RASSF3: variants seen among roughly 807,000 people sequenced by gnomAD.
RASSF3 encodes ras association domain-containing protein 3.
Under a neutral mutation model 19.9 loss-of-function variants are expected in RASSF3, and 19 were observed. That is an observed-to-expected ratio of 0.96 (90% CI 0.67 to 1.40). The LOEUF (loss-of-function observed/expected upper bound fraction) is 1.40, where lower values mean the gene tolerates loss of function less well. Ranked by LOEUF, RASSF3 falls within the 40% of genes most tolerant of loss-of-function variation. RASSF3 has a pLI of 0.00. For missense variants in RASSF3, 306 were observed against 289.8 expected, an observed-to-expected ratio of 1.06 and a Z score of -0.41; for synonymous variants, 110 against 104.2, an observed-to-expected ratio of 1.06 and a Z score of -0.34.
chr12:64,528,244 G>C (rs1366481520), intron 1 of RASSF3, among the ~76,000 whole-genome samples: 1 of 152,160 alleles, frequency 6.6e-6, no homozygotes, highest in East Asian at 1.9e-4. Context: ...CTGCATACCA[G>C]CCTGGGAGAC....
intron 3 of RASSF3, among the ~76,000 whole-genome samples, chr12:64,691,167 C>T (rs1385529162): frequency 6.6e-6 from 1 of 152,184 alleles, no homozygotes; most frequent in African/African-American, 2.4e-5. Context: ...TGGCTCTTAC[C>T]TTGTTTTCTA....
At chr12:64,620,037 T>TGTGTGTGTGTGTGTGTG (rs1565851666) in intron 1 of RASSF3, among the ~76,000 whole-genome samples, 2 of 148,750 alleles carry the variant, frequency 1.3e-5, no homozygotes, top group Non-Finnish European at 3.0e-5. Context: ...TGTGTGTGTG[T>TGTGTGTGTGTGTGTGTG]AGTTTTCTGA....
intron 2 of RASSF3, among the ~76,000 whole-genome samples, chr12:64,559,789 C>T (rs73126209): frequency 0.095 from 14,429 of 152,272 alleles, 720 homozygotes; most frequent in Middle Eastern, 0.14. Flanking sequence ...TCTAGTCTTA[C>T]TTTCTAGTCT....
chr12:64,592,026 T>C (rs1869934620), intron 2 of RASSF3, among the ~76,000 whole-genome samples: 1 of 151,838 alleles, frequency 6.6e-6, no homozygotes, highest in Non-Finnish European at 1.5e-5. Flanking sequence ...CTCAGCCTCC[T>C]GAGTAGCTGG....
At position 64,599,527 on chromosome 12, in the gene RASSF3, T is replaced by C. The variant is rs532988773; in HGVS notation, c.294+57822T>C. ...AAATCAATTCACTGCAAATCATTTGTGGCTGGAAACCCTTGTGGTTTCCTC... is the reference window on the plus strand; with the variant it reads ...AAATCAATTCACTGCAAATCATTTGCGGCTGGAAACCCTTGTGGTTTCCTC... On this transcript the variant is annotated intron_variant, in intron 2 of 5. Coordinates refer to the RASSF3 transcript ENST00000637125. Among the ~76,000 whole-genome samples the C allele has an allele frequency of 4.6e-5, 7 of 152,324 alleles. No homozygotes were observed. In the East Asian group the frequency reaches 1.3e-3, roughly 29 times the overall value.
intron 2 of RASSF3, 133 bp from the exon 3 acceptor site, chr12:64,688,083 A>T (rs2136221571): frequency 2.7e-6 from 2 of 731,262 alleles, no homozygotes; most frequent in East Asian, 2.4e-5. Context: ...GGCAATCTTT[A>T]GTGAAGTTCT....
intron 2 of RASSF3, among the ~76,000 whole-genome samples, chr12:64,572,818 T>C (rs1217675969): frequency 1.3e-5 from 2 of 152,228 alleles, no homozygotes; most frequent in Non-Finnish European, 2.9e-5. Context: ...TAAAGACAGA[T>C]TGAATGTGTC....
intron 1 of RASSF3, among the ~76,000 whole-genome samples, chr12:64,507,639 C>A (rs1195237704): frequency 6.6e-6 from 1 of 152,088 alleles, no homozygotes. Flanking sequence ...ACAACAAAAA[C>A]AGCTCTTATT....
chr12:64,516,400 A>AT (rs1315713194), intron 1 of RASSF3, among the ~76,000 whole-genome samples: 15 of 151,198 alleles, frequency 9.9e-5, no homozygotes, highest in African/African-American at 3.2e-4. Context: ...CGGGCGGATC[A>AT]CGAGGTCAGG....
upstream of RASSF3, among the ~76,000 whole-genome samples, chr12:64,529,477 A>G (rs7309315): frequency 5.5e-3 from 832 of 152,210 alleles, 4 homozygotes; most frequent in African/African-American, 0.019. Flanking sequence ...CCAATCCTGG[A>G]CTCTTAGGAA....
intron 1 of RASSF3, among the ~76,000 whole-genome samples, chr12:64,509,216 A>G (rs568151812): frequency 1.1e-4 from 16 of 152,120 alleles, no homozygotes; most frequent in African/African-American, 3.4e-4. Context: ...TTGGGAGGCC[A>G]AGGTGGGTGG....
At chr12:64,507,281 A>T in exon 1 of RASSF3, 1 of 398,628 alleles carries the variant, frequency 2.5e-6, no homozygotes, top group East Asian at 3.6e-5. Context: ...CAAATCACTG[A>T]CCTGCTCAAA....
At chr12:64,568,834 C>T (rs1233745211) in intron 2 of RASSF3, among the ~76,000 whole-genome samples, 1 of 152,106 alleles carries the variant, frequency 6.6e-6, no homozygotes, top group Non-Finnish European at 1.5e-5. Context: ...CTCAGCCTCC[C>T]AAGTAACAGA....
chr12:64,648,966 C>T (rs369580629), intron 1 of RASSF3, among the ~76,000 whole-genome samples: 3 of 151,696 alleles, frequency 2.0e-5, no homozygotes, highest in South Asian at 2.1e-4. Flanking sequence ...CCACCATGCC[C>T]GGCTAATGAT....
At chr12:64,623,152 G>C (rs1870852810) in intron 1 of RASSF3, among the ~76,000 whole-genome samples, 1 of 151,926 alleles carries the variant, frequency 6.6e-6, no homozygotes, top group Admixed American at 6.6e-5. Flanking sequence ...TGCTTGTTTC[G>C]AGGAATCTTT....
downstream of RASSF3, among the ~76,000 whole-genome samples, chr12:64,543,106 GGGCCCCGCACTTGGAGTGGC>G (rs1286135161): frequency 1.2e-3 from 5 of 4,150 alleles, no homozygotes; most frequent in African/African-American, 3.7e-3. Context: ...TTGGAGTGGC[GGGCCCCGCACTTGGAGTGGC>G]GGGCCCCGCA....
chr12:64,628,350 G>A (rs1177909116), intron 1 of RASSF3: 1 of 152,188 alleles, frequency 6.6e-6, no homozygotes, highest in Admixed American at 6.5e-5. Context: ...AACCAGGACA[G>A]GATGAATGTA....
chr12:64,684,691 A>G, intron 1 of RASSF3, 96 bp from the exon 2 acceptor site: 1 of 771,976 alleles, frequency 1.3e-6, no homozygotes, highest in Non-Finnish European at 2.2e-6. Context: ...TCAGCCTCCC[A>G]AAGTGCTGGG....
intron 1 of RASSF3, chr12:64,622,546 G>GT: frequency 1.9e-6 from 1 of 519,580 alleles, no homozygotes. Flanking sequence ...AGTAATTGCG[G>GT]TTTTTGCCAT....
Sources: allele counts gnomAD v4.1 joint callset (sites outside exome capture counted in the v4.1 genomes callset), GRCh38; gene constraint gnomAD v4.1.1; transcripts MANE v1.5; gene names NCBI Gene and HGNC (gene_info 2026-07-23, HGNC 2026-07-21).